RNF220: variants seen among roughly 807,000 people sequenced by gnomAD.
RNF220 encodes the protein ring finger protein 220, also known as E3 ubiquitin-protein ligase RNF220.
A neutral mutation model predicts 67.1 loss-of-function variants in RNF220; 7 were observed. That is an observed-to-expected ratio of 0.10 (90% CI 0.06 to 0.20). RNF220 has a LOEUF of 0.20. Ranked by LOEUF, RNF220 falls within the 10% of genes least tolerant of loss-of-function variation. RNF220 has a pLI of 1.00. For synonymous variants in RNF220, 270 were observed against 283.2 expected, an observed-to-expected ratio of 0.95 and a Z score of 0.47; for missense variants, 565 against 740.3, an observed-to-expected ratio of 0.76 and a Z score of 2.75.
intron 1 of RNF220, among the ~76,000 whole-genome samples, chr1:44,406,273 G>C (rs1036329995): frequency 6.6e-6 from 1 of 152,206 alleles, no homozygotes; most frequent in African/African-American, 2.4e-5. Context: ...TCTGCGGGCA[G>C]GAAGGAGGCA....
intron 2 of RNF220, among the ~76,000 whole-genome samples, chr1:44,526,385 G>T (rs1660375739): frequency 6.6e-6 from 1 of 152,120 alleles, no homozygotes; most frequent in Admixed American, 6.6e-5. Flanking sequence ...GCTTTTCAGA[G>T]AGAATAAAGG....
intron 2 of RNF220, among the ~76,000 whole-genome samples, chr1:44,550,581 T>C (rs983456229): frequency 1.3e-5 from 2 of 152,160 alleles, no homozygotes; most frequent in African/African-American, 4.8e-5. Flanking sequence ...CTTGAAGAGA[T>C]GCAGAAAGGT....
At chr1:44,501,277 G>A (rs891928933) in intron 2 of RNF220, among the ~76,000 whole-genome samples, 2 of 152,050 alleles carry the variant, frequency 1.3e-5, no homozygotes, top group African/African-American at 4.8e-5. Context: ...AGTAGAGAGT[G>A]GTGCAGAGGC....
intron 2 of RNF220, among the ~76,000 whole-genome samples, chr1:44,470,335 C>T (rs936715345): frequency 6.6e-6 from 1 of 152,182 alleles, no homozygotes; most frequent in African/African-American, 2.4e-5. Flanking sequence ...AAGGGAATCA[C>T]AGTTCAGTTT....
In RNF220 at chr1:44,650,831, G is replaced by C; in HGVS notation, c.*56G>C. The C allele has an allele frequency of 6.6e-7, 1 of 1,509,274 alleles. No individual in the cohort carries two copies. Among genetic ancestry groups the C allele is most frequent in the Non-Finnish European group, 9.2e-7 (1 of 1,089,970 alleles). 93.5% of individuals were successfully genotyped at this position (1,509,274 alleles called of 1,614,324 possible). A position where few individuals can be genotyped will look rare whatever the true frequency, so the allele number is the denominator to read the frequency against. On this transcript the variant is annotated 3_prime_UTR_variant, in exon 15 of 15. Transcript: ENST00000361799. The surrounding 1 kb of genome is among the most constrained non-coding windows in gnomAD (Gnocchi z 4.3). ...GCAGCCCCACCTGCCCCCAGCCTCT[G>C]TGACAGTGACCGTCTCCCTTTGTAC...
intron 2 of RNF220, among the ~76,000 whole-genome samples, chr1:44,504,271 TAGAAGCCAGGGGG>T: frequency 6.6e-6 from 1 of 152,330 alleles, no homozygotes; most frequent in Admixed American, 6.5e-5. Flanking sequence ...CTTGCTCTGG[TAGAAGCCAGGGGG>T]CTAATGGGGG....
intron 2 of RNF220, among the ~76,000 whole-genome samples, chr1:44,572,809 AC>A (rs1664537303): frequency 6.6e-6 from 1 of 151,730 alleles, no homozygotes; most frequent in Non-Finnish European, 1.5e-5. Context: ...ATACCAAGTA[AC>A]CTTTATTGTC....
chr1:44,538,918 G>GAAAA (rs35240810), intron 2 of RNF220, among the ~76,000 whole-genome samples: 1 of 77,888 alleles, frequency 1.3e-5, no homozygotes, highest in Non-Finnish European at 2.4e-5. Context: ...TCCATCTAGG[G>GAAAA]AAAAAAAAAA....
rs191662036 is a variant in RNF220 at position 44,589,380 on chromosome 1, C to T, written c.626-24785C>T. On this transcript the variant is annotated intron_variant, in intron 2 of 14. Coordinates refer to ENST00000361799, the MANE Select transcript of RNF220 (RefSeq NM_018150.4). ...CTGTAATCCCAGCACTTTGGGAGGC[C>T]GAGGTGGGCGGATCATGAGGTCAGG... 5.7e-3 allele frequency among the ~76,000 whole-genome samples: 872 copies of T among 152,140 alleles called. 14 individuals are homozygous for T. The highest frequency in any genetic ancestry group is 0.02 in the African/African-American group (843 of 41,500).
intron 2 of RNF220, among the ~76,000 whole-genome samples, chr1:44,456,134 A>AT (rs1288475793): frequency 6.6e-6 from 1 of 152,238 alleles, no homozygotes; most frequent in Non-Finnish European, 1.5e-5. Context: ...CCATTGGGTA[A>AT]TCCAAGCCAA....
At chr1:44,608,608 T>G (rs1667447305) in intron 2 of RNF220, among the ~76,000 whole-genome samples, 1 of 152,244 alleles carries the variant, frequency 6.6e-6, no homozygotes, top group Admixed American at 6.5e-5. Context: ...GTATGTGTAG[T>G]ATTGACCTAC....
At chr1:44,541,515 G>A (rs1039210953) in intron 2 of RNF220, among the ~76,000 whole-genome samples, 23 of 152,252 alleles carry the variant, frequency 1.5e-4, no homozygotes, top group Non-Finnish European at 2.2e-4. Flanking sequence ...AACATTGTCA[G>A]TATTTATCAC....
intron 2 of RNF220, among the ~76,000 whole-genome samples, chr1:44,580,028 C>CATAA (rs1558061605): frequency 9.9e-5 from 1 of 10,146 alleles, no homozygotes; most frequent in African/African-American, 2.3e-4. Flanking sequence ...GACCCTGTCT[C>CATAA]ACAAAAAAAA....
intron 2 of RNF220, among the ~76,000 whole-genome samples, chr1:44,414,734 T>C (rs1239196233): frequency 2.0e-5 from 3 of 151,986 alleles, no homozygotes; most frequent in Non-Finnish European, 4.4e-5. Flanking sequence ...ATCAGAAGGG[T>C]GGGGAAACTT....
At chr1:44,553,092 A>G (rs531372077) in intron 2 of RNF220, among the ~76,000 whole-genome samples, 121 of 152,232 alleles carry the variant, frequency 7.9e-4, no homozygotes, top group Non-Finnish European at 1.5e-3. Context: ...GATTTCCTTC[A>G]GATCTTAGCT....
chr1:44,450,945 A>T (rs1652607642), intron 2 of RNF220, among the ~76,000 whole-genome samples: 3 of 152,202 alleles, frequency 2.0e-5, no homozygotes, highest in Admixed American at 6.5e-5. Flanking sequence ...GCACTTTGGT[A>T]GGCCGAGGTG....
intron 3 of RNF220, among the ~76,000 whole-genome samples, chr1:44,619,563 C>T (rs1258046704): frequency 8.5e-5 from 13 of 152,198 alleles, no homozygotes; most frequent in Non-Finnish European, 1.5e-5. Context: ...GTGTAAATCA[C>T]CTTAATTAAA....
intron 2 of RNF220, among the ~76,000 whole-genome samples, chr1:44,511,593 G>T (rs1658997104): frequency 6.6e-6 from 1 of 152,216 alleles, no homozygotes; most frequent in Admixed American, 6.5e-5. Flanking sequence ...TAGAAAGCAG[G>T]TAGGAGAATA....
intron 2 of RNF220, among the ~76,000 whole-genome samples, chr1:44,544,997 A>G (rs12125215): frequency 0.24 from 36,153 of 152,170 alleles, 5,022 homozygotes; most frequent in Non-Finnish European, 0.32. Flanking sequence ...AGTGTCAAGC[A>G]TGGCTCTAGA....
Sources: gnomAD v4.1 joint callset for allele counts (sites outside exome capture counted in the v4.1 genomes callset) on GRCh38, gnomAD v4.1.1 for gene constraint, Gnocchi (gnomAD v3.1) non-coding constraint, MANE v1.5 for transcripts, NCBI Gene and HGNC (gene_info 2026-07-23, HGNC 2026-07-21) for gene names.